The following HERC4 variants were observed in gnomAD, a reference collection of about 807,000 sequenced individuals.
HERC4 encodes HECT and RLD domain containing E3 ubiquitin protein ligase 4, also known as probable E3 ubiquitin-protein ligase HERC4.
HERC4 carries 28 observed loss-of-function variants against 124.3 expected under a neutral mutation model. The observed-to-expected ratio is 0.23, with a 90% CI of 0.17 to 0.31. The LOEUF is 0.31. Among genes scored for constraint, HERC4 ranks in the 10% least tolerant of loss-of-function variants. HERC4 has a pLI of 1.00. For synonymous variants in HERC4, 407 were observed against 421.5 expected, an observed-to-expected ratio of 0.97 and a Z score of 0.42; for missense variants, 713 against 1,229.3, an observed-to-expected ratio of 0.58 and a Z score of 6.28.
At chr10:68,000,010 C>T (rs1446158455) in intron 9 of HERC4, among the ~76,000 whole-genome samples, 1 of 152,086 alleles carries the variant, frequency 6.6e-6, no homozygotes, top group East Asian at 1.9e-4. Flanking sequence ...TTACTTAATC[C>T]GGTATGACAA....
At chr10:68,051,572 G>A (rs1228914131) in intron 3 of HERC4, among the ~76,000 whole-genome samples, 2 of 151,596 alleles carry the variant, frequency 1.3e-5, no homozygotes, top group Non-Finnish European at 2.9e-5. Flanking sequence ...TGTTAGCCAG[G>A]ATGGTCTTAA....
intron 4 of HERC4, among the ~76,000 whole-genome samples, chr10:68,041,387 T>A (rs1300287018): frequency 6.6e-6 from 1 of 152,154 alleles, no homozygotes; most frequent in African/African-American, 2.4e-5. Flanking sequence ...CTCTATACCA[T>A]TAAAAACTAC....
At chr10:68,057,601 G>A (rs2040613293) in intron 3 of HERC4, among the ~76,000 whole-genome samples, 2 of 150,484 alleles carry the variant, frequency 1.3e-5, no homozygotes, top group Admixed American at 1.3e-4. Flanking sequence ...TCCAGCCTGG[G>A]TGACAGGGTG....
chr10:68,069,236 A>G (rs2041450813), intron 3 of HERC4: 2 of 955,144 alleles, frequency 2.1e-6, no homozygotes, highest in Non-Finnish European at 2.5e-6. Context: ...ATTCATTTAA[A>G]TGGATTGGTC....
intron 3 of HERC4, among the ~76,000 whole-genome samples, chr10:68,058,122 C>T (rs1330330684): frequency 6.6e-6 from 1 of 152,102 alleles, no homozygotes; most frequent in Non-Finnish European, 1.5e-5. Context: ...TTTTTGGTCA[C>T]ATTATTGTAT....
chr10:68,039,315 CAAAAAAAAAAA>C, intron 4 of HERC4: 3 of 1,097,110 alleles, frequency 2.7e-6, no homozygotes, highest in South Asian at 3.8e-5. Context: ...GACCCTGTCT[CAAAAAAAAAAA>C]AAAAAAAAGA....
chr10:68,001,918 A>G (rs1270835857), intron 9 of HERC4, among the ~76,000 whole-genome samples: 1 of 152,164 alleles, frequency 6.6e-6, no homozygotes, highest in Non-Finnish European at 1.5e-5. Flanking sequence ...CTATTCCACT[A>G]TAGAGGTATA....
rs2037382899 is a variant in HERC4 at position 68,003,841 on chromosome 10, G to C, written c.1069+10185C>G. On this transcript the variant is annotated intron_variant, in intron 9 of 24. Coordinates refer to ENST00000373700, the MANE Select transcript of HERC4 (RefSeq NM_015601.4). ...AACATGAGAGTGCAGATACCTCTGTGATGTACAGATTTCCTTTCTTTTGGG... is the reference window on the plus strand; with the variant it reads ...AACATGAGAGTGCAGATACCTCTGTCATGTACAGATTTCCTTTCTTTTGGG... 2.0e-5 allele frequency among the ~76,000 whole-genome samples: 3 copies of C among 152,164 alleles called. No homozygotes were observed. In the South Asian group the frequency reaches 6.2e-4, roughly 31 times the overall value.
intron 4 of HERC4, among the ~76,000 whole-genome samples, chr10:68,040,714 C>A (rs1373591579): frequency 2.0e-5 from 3 of 151,850 alleles, no homozygotes; most frequent in Admixed American, 6.6e-5. Flanking sequence ...AATGGTGAAA[C>A]CCCGTCTCTA....
intron 3 of HERC4, chr10:68,070,144 A>C: frequency 2.0e-6 from 2 of 984,976 alleles, no homozygotes; most frequent in Non-Finnish European, 1.2e-6. Flanking sequence ...AATTACCAGA[A>C]GACTTTAAAA....
At chr10:67,996,362 G>A (rs940876940) in intron 9 of HERC4, among the ~76,000 whole-genome samples, 1 of 152,098 alleles carries the variant, frequency 6.6e-6, no homozygotes. Flanking sequence ...CACTGTTTAG[G>A]ATTATCTCCA....
In HERC4 at chr10:67,941,118, GAA is replaced by G; in HGVS notation, c.2338-15_2338-14del. 1 of 1,501,836 alleles carries G rather than the reference GAA, an allele frequency of 6.7e-7. No individual in the cohort carries two copies. Among genetic ancestry groups the G allele is most frequent in the Non-Finnish European group, 8.9e-7 (1 of 1,125,596 alleles). The allele number at this position is 1,501,836 out of a possible 1,614,324, so 93.0% of individuals were successfully genotyped here. A position where few individuals can be genotyped will look rare whatever the true frequency, so the allele number is the denominator to read the frequency against. On this transcript the variant is annotated splice_polypyrimidine_tract_variant and intron_variant, in intron 19 of 24. Coordinates refer to ENST00000373700, the MANE Select transcript of HERC4 (RefSeq NM_015601.4). ...TGTCTTCAAATGTCTAAAAATATAA[GAA>G]AAAGTAAACACATGTCCTCCAAGTT...
chr10:67,990,267 G>C lies in HERC4; in HGVS notation c.1577C>G (p.Ala526Gly). 1 of 1,612,748 alleles carries C rather than the reference G, an allele frequency of 6.2e-7. No individual in the cohort carries two copies. The part of the protein sequence containing the change: ...MSDSNNFTTI[A>G]IPFGTALVNL... ...CACAAGAGCTGTACCAAAGGGAATT[G>C]CTATTGTTGTGAAATTGTTGGAATC... Residue 526 changes from alanine (A) to glycine (G), a missense_variant, in exon 14 of 25, where the codon GCA becomes GGA. Ala to Gly is a moderately conservative substitution (Grantham distance 60, BLOSUM62 0). Coordinates refer to ENST00000373700, the MANE Select transcript of HERC4 (RefSeq NM_015601.4).
At chr10:68,061,685 C>G (rs1006614398) in intron 3 of HERC4, among the ~76,000 whole-genome samples, 19 of 151,412 alleles carry the variant, frequency 1.3e-4, no homozygotes, top group African/African-American at 4.4e-4. Context: ...TCGAGACCAG[C>G]CTGACCAATA....
chr10:67,938,091 AAG>A (rs1439440565), intron 21 of HERC4, among the ~76,000 whole-genome samples: 5 of 152,140 alleles, frequency 3.3e-5, no homozygotes, highest in Non-Finnish European at 7.4e-5. Context: ...CAAAACCATA[AAG>A]AGAATGTTGT....
intron 9 of HERC4, among the ~76,000 whole-genome samples, chr10:67,996,344 G>C (rs182986267): frequency 6.6e-6 from 1 of 152,044 alleles, no homozygotes; most frequent in African/African-American, 2.4e-5. Context: ...AAACAGTCTT[G>C]ATTAGTGCAC....
intron 9 of HERC4, among the ~76,000 whole-genome samples, chr10:68,012,720 A>G (rs1589320803): frequency 6.6e-6 from 1 of 152,328 alleles, no homozygotes; most frequent in East Asian, 1.9e-4. Flanking sequence ...TAAAGACACA[A>G]AGTGAGCATA....
chr10:67,940,929 T>TC lies in HERC4; in HGVS notation c.2504+9dup. On this transcript the variant is annotated intron_variant, in intron 20 of 24. Transcript: ENST00000373700. ...ACCCTACTACTTTTTGACTTTTTTT[T>TC]CCAACTAACCTCCCAACATCAGGCA... The TC allele has an allele frequency of 6.2e-7, 1 of 1,605,142 alleles. No individual in the cohort carries two copies. Among genetic ancestry groups the TC allele is most frequent in the Admixed American group, 1.7e-5 (1 of 58,144 alleles).
chr10:67,943,139 A>G (rs1200979596), intron 19 of HERC4, among the ~76,000 whole-genome samples: 1 of 152,258 alleles, frequency 6.6e-6, no homozygotes, highest in African/African-American at 2.4e-5. Flanking sequence ...ATGCTTTTCA[A>G]TTTTATGTTT....
Sources: gnomAD v4.1 joint callset for allele counts (sites outside exome capture counted in the v4.1 genomes callset) on GRCh38, gnomAD v4.1.1 for gene constraint, MANE v1.5 for transcripts, NCBI Gene and HGNC (gene_info 2026-07-23, HGNC 2026-07-21) for gene names.